The following NECAB1 variants were observed in gnomAD, a reference collection of about 807,000 sequenced individuals.
NECAB1 encodes N-terminal EF-hand calcium binding protein 1, also known as N-terminal EF-hand calcium-binding protein 1.
NECAB1 carries 29 observed loss-of-function variants against 57.5 expected under a neutral mutation model. The ratio of observed to expected loss-of-function variants is 0.50; its 90% CI spans 0.38 to 0.69. NECAB1 has a LOEUF of 0.69. NECAB1 is among the 30% of genes least tolerant of loss of function. NECAB1 has a pLI of 0.00. For missense variants in NECAB1, 372 were observed against 413.8 expected (o/e 0.90, Z 0.88); for synonymous variants, 142 against 147.7 (o/e 0.96, Z 0.28).
intron 3 of NECAB1, among the ~76,000 whole-genome samples, chr8:90,869,698 G>A (rs1808587266): frequency 6.6e-6 from 1 of 152,196 alleles, no homozygotes; most frequent in South Asian, 2.1e-4. Context: ...TATCTTGGAA[G>A]TAAGTAATTT....
rs1386059184 is a variant in NECAB1, at chr8:90,958,195, T to C, written c.*2683T>C. 1 of 151,340 alleles carries C rather than the reference T, an allele frequency of 6.6e-6. No individual in the cohort carries two copies. The highest frequency in any genetic ancestry group is 2.4e-5 in the African/African-American group (1 of 41,298). 9.4% of individuals were successfully genotyped at this position (151,340 alleles called of 1,614,324 possible). A position where few individuals can be genotyped will look rare whatever the true frequency, so the allele number is the denominator to read the frequency against. On this transcript the variant is annotated 3_prime_UTR_variant, in exon 13 of 13. Transcript: ENST00000417640. The stretch of plus-strand genomic sequence containing the variant: ...TAAACCCAAAAATTGTTCATCCATA[T>C]ATAAGAAATTATCGAATTAAAACTT...
At chr8:90,810,863 G>A (rs1171849041) in intron 2 of NECAB1, among the ~76,000 whole-genome samples, 1 of 152,010 alleles carries the variant, frequency 6.6e-6, no homozygotes, top group Non-Finnish European at 1.5e-5. Flanking sequence ...TGGTGTTCGG[G>A]GACAACATTG....
At chr8:90,798,654 A>G (rs1305749953) in intron 1 of NECAB1, among the ~76,000 whole-genome samples, 2 of 152,182 alleles carry the variant, frequency 1.3e-5, no homozygotes, top group African/African-American at 2.4e-5. Flanking sequence ...GCTGTGTAGT[A>G]TTCCATGATG....
intron 5 of NECAB1, among the ~76,000 whole-genome samples, chr8:90,894,345 A>C (rs550845387): frequency 6.6e-6 from 1 of 152,324 alleles, no homozygotes; most frequent in South Asian, 2.1e-4. Flanking sequence ...TATATACATT[A>C]AAATATGGAA....
chr8:90,892,294 T>C (rs1446623254), intron 5 of NECAB1, among the ~76,000 whole-genome samples: 2 of 152,148 alleles, frequency 1.3e-5, no homozygotes, highest in Non-Finnish European at 2.9e-5. Context: ...GAGAGAAATG[T>C]CCCTTGATTT....
At chr8:90,858,342 A>G (rs1812832594) in intron 3 of NECAB1, among the ~76,000 whole-genome samples, 1 of 152,232 alleles carries the variant, frequency 6.6e-6, no homozygotes, top group Admixed American at 6.5e-5. Flanking sequence ...TGAAATCAGC[A>G]GTACCATCTG....
intron 5 of NECAB1, among the ~76,000 whole-genome samples, chr8:90,900,080 T>G (rs1038173230): frequency 6.6e-6 from 1 of 152,188 alleles, no homozygotes; most frequent in Non-Finnish European, 1.5e-5. Context: ...CCTGCCTTTC[T>G]CTATGAGTAA....
At chr8:90,892,159 T>C (rs191367265) in intron 5 of NECAB1, among the ~76,000 whole-genome samples, 1 of 152,198 alleles carries the variant, frequency 6.6e-6, no homozygotes, top group Admixed American at 6.5e-5. Flanking sequence ...TCAGAAGACA[T>C]AGCTTATCAC....
chr8:90,844,948 T>C (rs1812528160), intron 3 of NECAB1, among the ~76,000 whole-genome samples: 1 of 152,162 alleles, frequency 6.6e-6, no homozygotes, highest in Admixed American at 6.5e-5. Context: ...GTTTACACGA[T>C]TATGAAGTCT....
chr8:90,872,046 T>A, intron 3 of NECAB1, 82 bp from the exon 4 acceptor site: 1 of 1,050,118 alleles, frequency 9.5e-7, no homozygotes, highest in Non-Finnish European at 1.4e-6. Context: ...GCTTGGAGAC[T>A]AACTGTATTT....
intron 5 of NECAB1, among the ~76,000 whole-genome samples, chr8:90,902,879 C>G (rs550849673): frequency 6.6e-6 from 1 of 151,554 alleles, no homozygotes; most frequent in Non-Finnish European, 1.5e-5. Context: ...AACATTAACT[C>G]GGAAATAATT....
At chr8:90,901,668 C>T (rs143896578) in intron 5 of NECAB1, among the ~76,000 whole-genome samples, 40 of 152,202 alleles carry the variant, frequency 2.6e-4, no homozygotes, top group Admixed American at 9.2e-4. Flanking sequence ...AGTGGGTTTG[C>T]TGATTGCCTG....
chr8:90,939,663 T>G (rs1810623240), intron 9 of NECAB1, among the ~76,000 whole-genome samples: 1 of 152,304 alleles, frequency 6.6e-6, no homozygotes, highest in Non-Finnish European at 1.5e-5. Flanking sequence ...AAAGGATATA[T>G]CCATCATTAT....
At chr8:90,863,141 C>T (rs773459112) in intron 3 of NECAB1, among the ~76,000 whole-genome samples, 1 of 152,090 alleles carries the variant, frequency 6.6e-6, no homozygotes, top group Non-Finnish European at 1.5e-5. Flanking sequence ...GTACTTTTCA[C>T]TCCCAATCTT....
intron 2 of NECAB1, among the ~76,000 whole-genome samples, chr8:90,802,479 T>C (rs1680156335): frequency 6.6e-6 from 1 of 152,190 alleles, no homozygotes; most frequent in African/African-American, 2.4e-5. Context: ...TTTTTGCTGC[T>C]ATATTATAAG....
chr8:90,860,110 G>A (rs754628983), intron 3 of NECAB1, among the ~76,000 whole-genome samples: 7 of 152,022 alleles, frequency 4.6e-5, no homozygotes, highest in African/African-American at 1.2e-4. Flanking sequence ...TCAACTTTTC[G>A]TGCATGTTAA....
intron 3 of NECAB1, among the ~76,000 whole-genome samples, chr8:90,861,445 T>C (rs778498004): frequency 3.3e-5 from 5 of 152,206 alleles, no homozygotes; most frequent in Non-Finnish European, 7.4e-5. Context: ...CCTTGTCATA[T>C]ATATAAATTA....
intron 5 of NECAB1, among the ~76,000 whole-genome samples, chr8:90,910,369 A>C (rs528754074): frequency 1.3e-5 from 2 of 152,130 alleles, no homozygotes; most frequent in East Asian, 1.9e-4. Context: ...ATTTGACCTT[A>C]ATAATTTTTT....
intron 6 of NECAB1, among the ~76,000 whole-genome samples, chr8:90,922,394 G>T (rs1810136115): frequency 6.7e-6 from 1 of 150,278 alleles, no homozygotes; most frequent in African/African-American, 2.5e-5. Context: ...GGTTATAAAA[G>T]TTTAGACAGC....
Sources: allele counts gnomAD v4.1 joint callset (sites outside exome capture counted in the v4.1 genomes callset), GRCh38; gene constraint gnomAD v4.1.1; transcripts MANE v1.5; gene names NCBI Gene and HGNC (gene_info 2026-07-23, HGNC 2026-07-21).